The following SLCO4A1 variants were observed in gnomAD, a reference collection of about 807,000 sequenced individuals.
SLCO4A1 encodes the protein solute carrier organic anion transporter family member 4A1, also known as colon organic anion transporter.
Under a neutral mutation model 64.6 loss-of-function variants are expected in SLCO4A1, and 51 were observed. The ratio of observed to expected loss-of-function variants is 0.79; its 90% CI spans 0.63 to 1.00. The LOEUF is 1.00. Among genes scored for constraint, SLCO4A1 ranks in the 50% least tolerant of loss-of-function variants. SLCO4A1 has a pLI of 0.00. For synonymous variants in SLCO4A1, 471 were observed against 444.9 expected, an observed-to-expected ratio of 1.06 and a Z score of -0.74; for missense variants, 919 against 980.5, an observed-to-expected ratio of 0.94 and a Z score of 0.84.
At chr20:62,662,937 C>T (rs1985311192) in intron 5 of SLCO4A1, 1 of 152,268 alleles carries the variant, frequency 6.6e-6, no homozygotes, top group Admixed American at 6.5e-5. Context: ...CTGGGGTCTC[C>T]TTTGTCCTCC....
rs1569151474 is a variant in SLCO4A1 at position 62,672,247 on chromosome 20, T to C, written c.*354T>C. 8.1e-7 allele frequency: 1 copy of C among 1,230,910 alleles called. No homozygotes were observed. Among genetic ancestry groups the C allele is most frequent in the African/African-American group, 1.5e-5 (1 of 64,822 alleles). 76.2% of individuals were successfully genotyped at this position (1,230,910 alleles called of 1,614,324 possible). ...CAGCCTGAGGAAGGCTTGTGTGTCCTCAGTTAAAACTGTGCATATCGAAAT... is the reference window on the plus strand; with the variant it reads ...CAGCCTGAGGAAGGCTTGTGTGTCCCCAGTTAAAACTGTGCATATCGAAAT... On this transcript the variant is annotated 3_prime_UTR_variant, in exon 12 of 12. Transcript: ENST00000217159.
At chr20:62,650,498 C>T (rs544813001) in intron 1 of SLCO4A1, 8 of 152,272 alleles carry the variant, frequency 5.3e-5, no homozygotes, top group Admixed American at 2.6e-4. Context: ...CCCGCCTTAA[C>T]GCGGACCAGA....
At position 62,645,231 on chromosome 20, in the gene SLCO4A1, C is replaced by T. The variant is rs1981088787; in HGVS notation, c.-97+2678C>T. On this transcript the variant is annotated intron_variant, in intron 1 of 11. Transcript: ENST00000217159. This position sits in a 1 kb window ranked among gnomAD's most constrained non-coding sequence, Gnocchi z 4.2. The stretch of plus-strand genomic sequence containing the variant: ...AACAGGGAGGGAGGTGCCAGTAACT[C>T]ACATGCTAGGTTAACAGGTTCTGGG... 2.0e-5 allele frequency among the ~76,000 whole-genome samples: 3 copies of T among 152,266 alleles called. No homozygotes were observed. The South Asian group carries it at 6.2e-4, about 32-fold the overall frequency.
chr20:62,683,422 T>C (rs1376366376), intron 2 of SLCO4A1, among the ~76,000 whole-genome samples: 1 of 152,058 alleles, frequency 6.6e-6, no homozygotes, highest in Non-Finnish European at 1.5e-5. Context: ...GGCAGCTCCA[T>C]GGGCGCTTGG....
At position 62,656,518 on chromosome 20, in the gene SLCO4A1, A is replaced by G. The variant is rs1983739585; in HGVS notation, c.64A>G (p.Asn22Asp). Residue 22 changes from asparagine to aspartate, a missense_variant, in exon 2 of 12, where the codon AAC becomes GAC. Transcript: ENST00000217159. Reference sequence around the variant, plus strand: ...CCCCAGCCCCAACTCAGCCATGGAAAACGGGCTTGACCACACCCCACCCAG... The same window carrying G: ...CCCCAGCCCCAACTCAGCCATGGAAGACGGGCTTGACCACACCCCACCCAG... ...TFPSPNSAMENGLDHTPPSRR... is the reference protein window; with the variant it reads ...TFPSPNSAMEDGLDHTPPSRR... 6.4e-7 allele frequency: 1 copy of G among 1,564,258 alleles called. No homozygotes were observed. The highest frequency in any genetic ancestry group is 1.8e-5 in the Admixed American group (1 of 56,976).
At chr20:62,668,900 T>G in intron 10 of SLCO4A1, 30 bp from the exon 11 acceptor site, 1 of 1,590,864 alleles carries the variant, frequency 6.3e-7, no homozygotes. Flanking sequence ...CCACCAGGAG[T>G]GTGGGTGCTG....
At chr20:62,688,663 G>A (rs1331074710), downstream of SLCO4A1, among the ~76,000 whole-genome samples, 1 of 152,164 alleles carries the variant, frequency 6.6e-6, no homozygotes, top group East Asian at 1.9e-4. Context: ...AGATGGCTGG[G>A]GTGGGGGATG....
chr20:62,666,245 T>C, intron 6 of SLCO4A1, 135 bp from the exon 7 acceptor site: 1 of 690,348 alleles, frequency 1.4e-6, no homozygotes. Flanking sequence ...TGGTGTTGAG[T>C]GCTGCCATGC....
At chr20:62,668,287 G>C in intron 9 of SLCO4A1, 103 bp downstream of exon 9, 1 of 1,392,854 alleles carries the variant, frequency 7.2e-7, no homozygotes, top group South Asian at 1.2e-5. Context: ...AAACACCCAG[G>C]TCTAAGCGGG....
At chr20:62,658,933 G>A (rs1158298878) in intron 3 of SLCO4A1, among the ~76,000 whole-genome samples, 166 bp downstream of exon 3, 5 of 152,226 alleles carry the variant, frequency 3.3e-5, no homozygotes, top group Admixed American at 1.3e-4. Flanking sequence ...TGGAGGACTC[G>A]GAGGATCTGT....
intron 2 of SLCO4A1, among the ~76,000 whole-genome samples, chr20:62,681,499 CAT>C (rs532317830): frequency 4.0e-4 from 53 of 132,130 alleles, no homozygotes; most frequent in East Asian, 1.9e-3. Flanking sequence ...TGTACACACT[CAT>C]GTGTGCGCGT....
chr20:62,650,233 G>A (rs1173755616), intron 1 of SLCO4A1: 2 of 152,278 alleles, frequency 1.3e-5, no homozygotes, highest in Non-Finnish European at 2.9e-5. Flanking sequence ...AGGTGTGCAT[G>A]TGTACACACA....
In SLCO4A1 at chr20:62,667,871, G is replaced by T. The variant is rs781333228; in HGVS notation, c.1599G>T (p.Gly533=). 11 of 1,613,844 alleles carry T rather than the reference G, an allele frequency of 6.8e-6. No homozygotes were observed. The highest frequency in any genetic ancestry group is 9.3e-6 in the Non-Finnish European group (11 of 1,180,044). Residue 533 remains glycine (G), a synonymous_variant, in exon 8 of 12, where the codon GGG becomes GGT. Coordinates refer to ENST00000217159, the MANE Select transcript of SLCO4A1 (RefSeq NM_016354.4). ...TGTACTTCTCACTGTGCCACGCAGG[G>T]TGCCCTGCAGCCACGGAGACGAATG... is the stretch of plus-strand genomic sequence containing the variant. ...GLMYFSLCHA[G]CPAATETNVD...
At position 62,668,122 on chromosome 20, in the gene SLCO4A1, C is replaced by G. The variant is rs1196747458; in HGVS notation, c.1749C>G (p.Phe583Leu). The G allele has an allele frequency of 6.2e-7, 1 of 1,613,912 alleles. No homozygotes were observed. The highest frequency in any genetic ancestry group is 8.5e-7 in the Non-Finnish European group (1 of 1,180,046). Reference sequence around the variant, plus strand: ...AGAGAAAGCCCCTCCTTCTGGTTTTCATATTCGTTGTAATTTTCTTTACAT... The same window carrying G: ...AGAGAAAGCCCCTCCTTCTGGTTTTGATATTCGTTGTAATTTTCTTTACAT... Reference protein sequence around the residue: ...TCQRKPLLLVFIFVVIFFTFL... With the variant: ...TCQRKPLLLVLIFVVIFFTFL... The change falls in exon 9 of 12, where the codon TTC becomes TTG. Residue 583 changes from phenylalanine (F) to leucine (L), a missense_variant. Coordinates refer to ENST00000217159, the MANE Select transcript of SLCO4A1 (RefSeq NM_016354.4).
chr20:62,672,678 C>T (rs1032211226), downstream of SLCO4A1: 7 of 152,296 alleles, frequency 4.6e-5, no homozygotes, highest in African/African-American at 1.7e-4. Flanking sequence ...TTGCGTCCCC[C>T]AGAGCCATAT....
intron 11 of SLCO4A1, among the ~76,000 whole-genome samples, chr20:62,671,019 G>A (rs761934532): frequency 2.0e-5 from 3 of 152,230 alleles, no homozygotes; most frequent in East Asian, 1.9e-4. Flanking sequence ...GGACCTCACC[G>A]CCTTTGGGGC....
chr20:62,643,059 CG>C (rs1213666096), intron 1 of SLCO4A1: 1 of 469,654 alleles, frequency 2.1e-6, no homozygotes, highest in East Asian at 7.0e-5. Flanking sequence ...CCTTCATGCA[CG>C]GAAGTTTCTC....
chr20:62,669,208 G>C, intron 11 of SLCO4A1, 130 bp downstream of exon 11: 3 of 916,934 alleles, frequency 3.3e-6, no homozygotes, highest in Non-Finnish European at 5.0e-6. Context: ...CCAGTTTGTA[G>C]AAGGCCCTTC....
intron 1 of SLCO4A1, chr20:62,648,819 GT>G (rs1259367488): frequency 6.6e-6 from 1 of 152,312 alleles, no homozygotes; most frequent in Non-Finnish European, 1.5e-5. Context: ...CGGCCAGGCG[GT>G]TCTGATTCGC....
Sources: allele counts gnomAD v4.1 joint callset (sites outside exome capture counted in the v4.1 genomes callset), GRCh38; gene constraint gnomAD v4.1.1; non-coding constraint Gnocchi (gnomAD v3.1); transcripts MANE v1.5; gene names NCBI Gene and HGNC (gene_info 2026-07-23, HGNC 2026-07-21).